Variants in NRG3 observed in about 807,000 individuals in gnomAD.
NRG3 encodes the protein neuregulin 3, also known as pro-neuregulin-3, membrane-bound isoform.
A neutral mutation model predicts 66.9 loss-of-function variants in NRG3; 31 were observed. The ratio of observed to expected loss-of-function variants is 0.46; its 90% CI spans 0.35 to 0.63. The LOEUF is 0.63. Among genes scored for constraint, NRG3 ranks in the 20% least tolerant of loss-of-function variants. NRG3 has a pLI of 0.00. For missense variants in NRG3, 910 were observed against 878.9 expected (o/e 1.04, Z -0.45); for synonymous variants, 393 against 359.4 (o/e 1.09, Z -1.06).
At chr10:82,431,037 C>G (rs2089774003) in intron 2 of NRG3, among the ~76,000 whole-genome samples, 1 of 152,098 alleles carries the variant, frequency 6.6e-6, no homozygotes, top group African/African-American at 2.4e-5. Context: ...TTTCAAAGTT[C>G]CTTATTTTCC....
chr10:82,682,182 C>A (rs1483314546), intron 2 of NRG3, among the ~76,000 whole-genome samples: 1 of 152,144 alleles, frequency 6.6e-6, no homozygotes, highest in Non-Finnish European at 1.5e-5. Context: ...CTTGAAGCAC[C>A]ATGTCCTCTC....
rs2074697555 is a variant in NRG3 at position 82,199,921 on chromosome 10, G to C, written c.824-158818G>C. On this transcript the variant is annotated intron_variant, in intron 1 of 8. Transcript: ENST00000372141. ...GTGTGTGTGTGTGTGTGTGTGTGTTGCCAGGAAGTAGAATAAAGGACTATA... is the reference window on the plus strand; with the variant it reads ...GTGTGTGTGTGTGTGTGTGTGTGTTCCCAGGAAGTAGAATAAAGGACTATA... Among the ~76,000 whole-genome samples the C allele has an allele frequency of 2.7e-5, 4 of 146,014 alleles. No individual in the cohort carries two copies. The South Asian group carries it at 8.6e-4, about 32-fold the overall frequency.
chr10:81,995,047 C>CA (rs1348081102), intron 1 of NRG3, among the ~76,000 whole-genome samples: 1 of 152,086 alleles, frequency 6.6e-6, no homozygotes, highest in Admixed American at 6.6e-5. Flanking sequence ...ATCTCCCACT[C>CA]ACAACATTTT....
intron 1 of NRG3, among the ~76,000 whole-genome samples, chr10:82,204,888 G>C (rs1162256971): frequency 6.6e-6 from 1 of 152,220 alleles, no homozygotes; most frequent in African/African-American, 2.4e-5. Context: ...AGTGGAGACA[G>C]AGTGAGGATG....
chr10:82,683,176 T>C (rs973416246), intron 2 of NRG3, among the ~76,000 whole-genome samples: 3 of 151,882 alleles, frequency 2.0e-5, no homozygotes, highest in African/African-American at 7.3e-5. Context: ...GCCAGGATGG[T>C]CTCGATCTGA....
At position 82,263,959 on chromosome 10, in the gene NRG3, TAACTC is replaced by T. The variant is rs141596525; in HGVS notation, c.824-94778_824-94774del. Among the ~76,000 whole-genome samples, 539 of 152,336 alleles carry T rather than the reference TAACTC, an allele frequency of 3.5e-3. 5 individuals are homozygous for T. Among genetic ancestry groups the T allele is most frequent in the Non-Finnish European group, 4.5e-3 (305 of 68,028 alleles). On this transcript the variant is annotated intron_variant, in intron 1 of 8. Transcript: ENST00000372141. ...AGTGGCAGAATAAATGAGTCAAAGT[TAACTC>T]AGAGGGGCTTTGTTTATTTTTTTGT...
intron 2 of NRG3, among the ~76,000 whole-genome samples, chr10:82,494,529 C>G (rs1843440666): frequency 6.6e-6 from 1 of 151,754 alleles, no homozygotes; most frequent in Admixed American, 6.6e-5. Context: ...TAGATATTAA[C>G]ATTAAAAAAC....
At chr10:82,136,963 G>A (rs1380973715) in intron 1 of NRG3, among the ~76,000 whole-genome samples, 2 of 152,194 alleles carry the variant, frequency 1.3e-5, no homozygotes, top group Non-Finnish European at 2.9e-5. Flanking sequence ...CTTCAAGACT[G>A]TCTTTCCTAC....
chr10:82,502,073 A>G (rs1048461883), intron 2 of NRG3, among the ~76,000 whole-genome samples: 3 of 152,202 alleles, frequency 2.0e-5, no homozygotes, highest in East Asian at 1.9e-4. Flanking sequence ...GAGAGGGTTC[A>G]TTTGAATGCT....
chr10:81,961,177 T>C (rs1850323787), intron 1 of NRG3, among the ~76,000 whole-genome samples: 1 of 152,206 alleles, frequency 6.6e-6, no homozygotes, highest in African/African-American at 2.4e-5. Context: ...AATTAACATG[T>C]ATAATTTAAT....
intron 2 of NRG3, among the ~76,000 whole-genome samples, chr10:82,732,498 C>T (rs1181887926): frequency 6.6e-6 from 1 of 152,160 alleles, no homozygotes; most frequent in African/African-American, 2.4e-5. Context: ...TAAGGTCAAT[C>T]ACAGCTGAGT....
At chr10:82,289,404 G>C (rs2079596662) in intron 1 of NRG3, among the ~76,000 whole-genome samples, 1 of 149,866 alleles carries the variant, frequency 6.7e-6, no homozygotes, top group South Asian at 2.1e-4. Flanking sequence ...AAAGAGCAAA[G>C]TAATTGCACC....
intron 2 of NRG3, among the ~76,000 whole-genome samples, chr10:82,528,467 G>T (rs1846937831): frequency 6.6e-6 from 1 of 152,146 alleles, no homozygotes; most frequent in African/African-American, 2.4e-5. Flanking sequence ...GAATATTGAA[G>T]ACATTATCCC....
At chr10:81,982,071 G>C (rs2060350369) in intron 1 of NRG3, among the ~76,000 whole-genome samples, 1 of 151,644 alleles carries the variant, frequency 6.6e-6, no homozygotes, top group African/African-American at 2.4e-5. Flanking sequence ...GTTGCTTTTT[G>C]CTTAACAATT....
chr10:82,252,713 G>A (rs58366220), intron 1 of NRG3, among the ~76,000 whole-genome samples: 16,427 of 152,050 alleles, frequency 0.11, 956 homozygotes, highest in Non-Finnish European at 0.14. Context: ...ATTTATCTGT[G>A]AGCCCTCAGT....
chr10:82,959,190 T>C (rs1850369034), intron 6 of NRG3, 115 bp downstream of exon 6: 1 of 1,227,906 alleles, frequency 8.1e-7, no homozygotes, highest in East Asian at 2.6e-5. Flanking sequence ...TATAGGGTTT[T>C]GCTTAAATCG....
chr10:82,387,011 G>A (rs1470427376), intron 2 of NRG3, among the ~76,000 whole-genome samples: 1 of 152,164 alleles, frequency 6.6e-6, no homozygotes, highest in Non-Finnish European at 1.5e-5. Flanking sequence ...TGTTGGCCAG[G>A]TTGGTCTCGA....
At chr10:81,996,723 A>G (rs1396050739) in intron 1 of NRG3, among the ~76,000 whole-genome samples, 1 of 152,006 alleles carries the variant, frequency 6.6e-6, no homozygotes, top group East Asian at 1.9e-4. Flanking sequence ...AGGGAGAGAG[A>G]AAGGAGGGAG....
chr10:82,564,228 AT>A (rs1413018260), intron 2 of NRG3, among the ~76,000 whole-genome samples: 7 of 152,312 alleles, frequency 4.6e-5, no homozygotes, highest in African/African-American at 1.4e-4. Flanking sequence ...TTTGTAGGAA[AT>A]AAAAAGTGTG....
Sources: allele counts gnomAD v4.1 joint callset (sites outside exome capture counted in the v4.1 genomes callset), GRCh38; gene constraint gnomAD v4.1.1; transcripts MANE v1.5; gene names NCBI Gene and HGNC (gene_info 2026-07-23, HGNC 2026-07-21).